GNAI3: variants seen among roughly 807,000 people sequenced by gnomAD.
GNAI3 encodes G protein subunit alpha i3.
In GNAI3, 12 loss-of-function variants were observed where a neutral mutation model predicts 41.8. The observed-to-expected ratio is 0.29, with a 90% CI of 0.18 to 0.47. GNAI3 has a LOEUF of 0.47. Among genes scored for constraint, GNAI3 ranks in the 20% least tolerant of loss-of-function variants. The probability of loss-of-function intolerance (pLI) is 1.00; values close to 1 mark genes in which losing one functional copy is unlikely to be tolerated. For synonymous variants in GNAI3, 132 were observed against 146.5 expected (o/e 0.90, Z 0.71); for missense variants, 360 against 429.6 (o/e 0.84, Z 1.43).
At chr1:109,582,808 C>T (rs1289819070) in intron 5 of GNAI3, among the ~76,000 whole-genome samples, 1 of 152,192 alleles carries the variant, frequency 6.6e-6, no homozygotes, top group East Asian at 1.9e-4. Context: ...TTTAACTTGC[C>T]TCCCAGTAAA....
intron 7 of GNAI3, among the ~76,000 whole-genome samples, chr1:109,589,107 T>C (rs1156261162): frequency 6.6e-6 from 1 of 152,032 alleles, no homozygotes; most frequent in Non-Finnish European, 1.5e-5. Context: ...GGGTTTGAGA[T>C]CATCAGTAGT....
At chr1:109,551,485 T>C (rs1269559775) in intron 1 of GNAI3, among the ~76,000 whole-genome samples, 1 of 152,106 alleles carries the variant, frequency 6.6e-6, no homozygotes, top group East Asian at 1.9e-4. Context: ...CTTATGGGGG[T>C]GTAGTTTAAC....
At chr1:109,567,842 C>G (rs1192008394) in intron 1 of GNAI3, among the ~76,000 whole-genome samples, 1 of 152,128 alleles carries the variant, frequency 6.6e-6, no homozygotes, top group African/African-American at 2.4e-5. Flanking sequence ...TATTGACCCC[C>G]ATTCAGATGA....
intron 1 of GNAI3, among the ~76,000 whole-genome samples, chr1:109,556,766 G>A (rs1025127500): frequency 6.6e-6 from 1 of 152,160 alleles, no homozygotes; most frequent in African/African-American, 2.4e-5. Context: ...CAACCAGTCA[G>A]TTGCGAAGTC....
chr1:109,554,194 G>A (rs762940484), intron 1 of GNAI3, among the ~76,000 whole-genome samples: 3 of 152,100 alleles, frequency 2.0e-5, no homozygotes, highest in African/African-American at 7.2e-5. Context: ...ATAAACATGC[G>A]TATGCAAGTA....
intron 7 of GNAI3, 22 bp from the exon 8 acceptor site, chr1:109,592,021 G>C: frequency 6.5e-7 from 1 of 1,537,364 alleles, no homozygotes. Flanking sequence ...TTTGAACTGA[G>C]AGTACTGGGT....
intron 1 of GNAI3, among the ~76,000 whole-genome samples, chr1:109,572,769 T>A (rs564667619): frequency 6.6e-6 from 1 of 152,104 alleles, no homozygotes; most frequent in Non-Finnish European, 1.5e-5. Context: ...AATGACCCAG[T>A]GGAAAGAAAA....
At chr1:109,564,198 A>G (rs2101094752) in intron 1 of GNAI3, among the ~76,000 whole-genome samples, 1 of 152,258 alleles carries the variant, frequency 6.6e-6, no homozygotes, top group South Asian at 2.1e-4. Context: ...CAGCTCTGAG[A>G]CTGGCCAGAC....
In GNAI3 at chr1:109,579,369, AT is replaced by A; in HGVS notation, c.461+13del. On this transcript the variant is annotated intron_variant, in intron 4 of 8. Coordinates refer to ENST00000369851, the MANE Select transcript of GNAI3 (RefSeq NM_006496.4). ...CAATGATTCTGCTTCATAGTAAGTA[AT>A]TTTTCTCTGTGAAACTATAACAGAG... The A allele has an allele frequency of 6.2e-7, 1 of 1,603,668 alleles. No individual in the cohort carries two copies. Among genetic ancestry groups the A allele is most frequent in the East Asian group, 2.2e-5 (1 of 44,830 alleles).
At chr1:109,560,574 A>G (rs1200445003) in intron 1 of GNAI3, among the ~76,000 whole-genome samples, 1 of 152,122 alleles carries the variant, frequency 6.6e-6, no homozygotes, top group Non-Finnish European at 1.5e-5. Flanking sequence ...CTCTACAAAA[A>G]ATTTGACAGA....
rs189839861 is a variant in GNAI3 at position 109,592,762 on chromosome 1, A to C, written c.*440A>C. The C allele has an allele frequency of 1.5e-3, 226 of 153,238 alleles. 3 individuals are homozygous for C. Among genetic ancestry groups the C allele is most frequent in the East Asian group, 1.7e-3 (9 of 5,196 alleles). 9.5% of individuals were successfully genotyped at this position (153,238 alleles called of 1,614,324 possible). ...CAAAAGAATCTTTATTAAAACAAAC[A>C]ATCTTAACTATGCACATGATGTGAC... On this transcript the variant is annotated 3_prime_UTR_variant, in exon 9 of 9. Transcript: ENST00000369851.
chr1:109,568,326 G>T (rs953480139), intron 1 of GNAI3, among the ~76,000 whole-genome samples: 2 of 152,026 alleles, frequency 1.3e-5, no homozygotes, highest in Admixed American at 6.5e-5. Flanking sequence ...TTGATCTCAG[G>T]AGTTTGAGCC....
At chr1:109,566,268 T>C (rs1648450832) in intron 1 of GNAI3, among the ~76,000 whole-genome samples, 2 of 152,296 alleles carry the variant, frequency 1.3e-5, no homozygotes, top group South Asian at 4.1e-4. Flanking sequence ...GTGGGCTGGC[T>C]GAAAAACTAT....
chr1:109,591,084 A>G (rs1423552905), intron 7 of GNAI3, among the ~76,000 whole-genome samples: 2 of 152,188 alleles, frequency 1.3e-5, no homozygotes, highest in African/African-American at 4.8e-5. Flanking sequence ...AAGGGTATTA[A>G]TTACAAATAT....
chr1:109,588,368 CAA>C (rs67924853), intron 7 of GNAI3, among the ~76,000 whole-genome samples: 22 of 116,802 alleles, frequency 1.9e-4, no homozygotes, highest in South Asian at 5.0e-4. Flanking sequence ...GGCGACTGAG[CAA>C]AAAAAAAAAA....
At chr1:109,560,077 G>A (rs545256900) in intron 1 of GNAI3, among the ~76,000 whole-genome samples, 3 of 152,280 alleles carry the variant, frequency 2.0e-5, no homozygotes, top group South Asian at 2.1e-4. Context: ...CAAGTTTCAG[G>A]AAGAGCTAGT....
chr1:109,548,912 G>T, intron 1 of GNAI3, 74 bp downstream of exon 1: 2 of 1,000,908 alleles, frequency 2.0e-6, no homozygotes, highest in Non-Finnish European at 3.1e-6. Context: ...ACGGGGTCTG[G>T]TCGGGCCGAC....
In GNAI3 at chr1:109,595,258, T is replaced by C. The variant is rs1361082276; in HGVS notation, c.*2936T>C. ...TAATGGACAGTCCCCCCTAACCTTA[T>C]AAATTCAGCTTTGCAACAGATTTCA... On this transcript the variant is annotated 3_prime_UTR_variant, in exon 9 of 9. Coordinates refer to ENST00000369851, the MANE Select transcript of GNAI3 (RefSeq NM_006496.4). 2 of 152,204 alleles carry C rather than the reference T, an allele frequency of 1.3e-5. No homozygotes were observed. The highest frequency in any genetic ancestry group is 2.9e-5 in the Non-Finnish European group (2 of 68,028). 9.4% of individuals were successfully genotyped at this position (152,204 alleles called of 1,614,324 possible).
chr1:109,594,176 G>T lies in GNAI3; in HGVS notation c.*1854G>T, dbSNP rs1649238689. Reference sequence around the variant, plus strand: ...ATTCAGTGCCCACAATGTAAACAGGGTTGGTAGTTGTTACTCATTTTGAAT... The same window carrying T: ...ATTCAGTGCCCACAATGTAAACAGGTTTGGTAGTTGTTACTCATTTTGAAT... On this transcript the variant is annotated 3_prime_UTR_variant, in exon 9 of 9. Transcript: ENST00000369851. The T allele has an allele frequency of 6.6e-6, 1 of 152,378 alleles. No homozygotes were observed. The highest frequency in any genetic ancestry group is 2.1e-4 in the South Asian group (1 of 4,824). The allele number at this position is 152,378 out of a possible 1,614,324, so 9.4% of individuals were successfully genotyped here.
Sources: gnomAD v4.1 joint callset for allele counts (sites outside exome capture counted in the v4.1 genomes callset) on GRCh38, gnomAD v4.1.1 for gene constraint, MANE v1.5 for transcripts, NCBI Gene and HGNC (gene_info 2026-07-23, HGNC 2026-07-21) for gene names.